Variants in CSMD1 observed in about 807,000 individuals in gnomAD.
The protein encoded by CSMD1 is CUB and sushi domain-containing protein 1.
In CSMD1, 213 loss-of-function variants were observed where a neutral mutation model predicts 417.5. That is an observed-to-expected ratio of 0.51 (90% CI 0.46 to 0.57). CSMD1 has a LOEUF of 0.57. Ranked by LOEUF, CSMD1 falls within the 20% of genes least tolerant of loss-of-function variation. The probability of loss-of-function intolerance (pLI) is 0.00; values close to 1 mark genes in which losing one functional copy is unlikely to be tolerated. For missense variants in CSMD1, 6,923 were observed against 4,529.7 expected (o/e 1.53, Z -15.17); for synonymous variants, 2,862 against 1,736.8 (o/e 1.65, Z -16.11).
intron 25 of CSMD1, among the ~76,000 whole-genome samples, chr8:3,294,522 C>G (rs137962113): frequency 2.0e-5 from 3 of 151,922 alleles, no homozygotes; most frequent in Admixed American, 6.6e-5. Flanking sequence ...TTGGCAATGG[C>G]GGGCGCCCCT....
intron 11 of CSMD1, among the ~76,000 whole-genome samples, chr8:3,482,609 T>C (rs902555777): frequency 6.6e-6 from 1 of 152,064 alleles, no homozygotes; most frequent in African/African-American, 2.4e-5. Context: ...GCAGAAAATA[T>C]CACAAAGGAT....
intron 1 of CSMD1, among the ~76,000 whole-genome samples, chr8:4,981,253 G>A (rs1031954534): frequency 2.6e-5 from 4 of 152,230 alleles, no homozygotes; most frequent in African/African-American, 4.8e-5. Context: ...ATTTTAGGAT[G>A]GTAAACATTT....
intron 5 of CSMD1, among the ~76,000 whole-genome samples, chr8:3,943,091 C>A (rs1475859706): frequency 6.6e-6 from 1 of 151,888 alleles, no homozygotes; most frequent in Non-Finnish European, 1.5e-5. Context: ...CCCACATTAC[C>A]TGGGATTCAA....
intron 7 of CSMD1, among the ~76,000 whole-genome samples, chr8:3,658,477 T>C (rs965115428): frequency 6.9e-6 from 1 of 145,156 alleles, no homozygotes; most frequent in African/African-American, 2.6e-5. Context: ...TATATATATA[T>C]ATATTTAATT....
At chr8:3,314,367 AT>A (rs564249063) in intron 23 of CSMD1, among the ~76,000 whole-genome samples, 7 of 152,216 alleles carry the variant, frequency 4.6e-5, no homozygotes, top group African/African-American at 1.7e-4. Context: ...TGACTGATCA[AT>A]TTTAAGCCTG....
chr8:4,406,963 C>G (rs989587682), intron 3 of CSMD1, among the ~76,000 whole-genome samples: 1 of 152,260 alleles, frequency 6.6e-6, no homozygotes, highest in African/African-American at 2.4e-5. Flanking sequence ...TATCTTGTTT[C>G]CTAAACGAGG....
intron 1 of CSMD1, among the ~76,000 whole-genome samples, chr8:4,745,598 G>C (rs544729011): frequency 6.6e-6 from 1 of 151,976 alleles, no homozygotes; most frequent in Non-Finnish European, 1.5e-5. Flanking sequence ...TAGAAATAAA[G>C]AGAGAGAGAG....
intron 7 of CSMD1, among the ~76,000 whole-genome samples, chr8:3,673,395 TG>T (rs547636016): frequency 9.2e-5 from 14 of 152,236 alleles, no homozygotes; most frequent in Non-Finnish European, 1.9e-4. Flanking sequence ...AATATGGAGA[TG>T]AAAGTATTTG....
chr8:4,186,942 G>C (rs967728096), intron 3 of CSMD1, among the ~76,000 whole-genome samples: 1 of 152,046 alleles, frequency 6.6e-6, no homozygotes, highest in African/African-American at 2.4e-5. Context: ...ATTGCAGTGA[G>C]CTGCACTCTA....
chr8:3,863,581 T>C lies in CSMD1; in HGVS notation c.819-109539A>G, dbSNP rs1804877747. On this transcript the variant is annotated intron_variant, in intron 5 of 69. Coordinates refer to ENST00000635120, the MANE Select transcript of CSMD1 (RefSeq NM_033225.6). ...CAGCGCACTGTTTACAAAAATATAA[T>C]CTAAGCCTGACATCAAACCTTGCAG... 2.0e-5 allele frequency among the ~76,000 whole-genome samples: 3 copies of C among 152,064 alleles called. No homozygotes were observed. The South Asian group carries it at 6.2e-4, about 31-fold the overall frequency.
intron 1 of CSMD1, among the ~76,000 whole-genome samples, chr8:4,646,178 C>G (rs1803504661): frequency 6.6e-6 from 1 of 152,084 alleles, no homozygotes; most frequent in African/African-American, 2.4e-5. Flanking sequence ...GCACCCATTG[C>G]CAGTGGAGAG....
chr8:3,842,612 G>A (rs78187392), intron 5 of CSMD1, among the ~76,000 whole-genome samples: 1 of 152,092 alleles, frequency 6.6e-6, no homozygotes, highest in Non-Finnish European at 1.5e-5. Context: ...GTTACATCAA[G>A]AAGATGTTGA....
At chr8:3,125,306 G>A (rs1033098369) in intron 41 of CSMD1, among the ~76,000 whole-genome samples, 1 of 152,204 alleles carries the variant, frequency 6.6e-6, no homozygotes, top group South Asian at 2.1e-4. Flanking sequence ...ATGCATCACA[G>A]TGCCAGGCCA....
intron 1 of CSMD1, among the ~76,000 whole-genome samples, chr8:4,670,878 G>A (rs1436111438): frequency 1.3e-5 from 2 of 152,154 alleles, no homozygotes; most frequent in Admixed American, 1.3e-4. Context: ...ATGTTTTGAT[G>A]GGGGTACTTT....
rs574610421 is a variant in CSMD1, at chr8:4,290,035, G to C, written c.415+129918C>G. On this transcript the variant is annotated intron_variant, in intron 3 of 69. Transcript: ENST00000635120. ...GCACTCTGTGCACTGCAACTGTTAAGGTTTAACCAGAACCAACAACTGCAA... is the reference window on the plus strand; with the variant it reads ...GCACTCTGTGCACTGCAACTGTTAACGTTTAACCAGAACCAACAACTGCAA... Among the ~76,000 whole-genome samples, 72 of 152,262 alleles carry C rather than the reference G, an allele frequency of 4.7e-4. 2 individuals carry two copies. Among genetic ancestry groups the C allele is most frequent in the Admixed American group, 4.7e-3 (72 of 15,286 alleles).
At chr8:3,968,684 T>C (rs564734497) in intron 5 of CSMD1, among the ~76,000 whole-genome samples, 4 of 152,246 alleles carry the variant, frequency 2.6e-5, no homozygotes, top group African/African-American at 7.2e-5. Flanking sequence ...TGTTAGTCAT[T>C]AAGCTTGCTC....
At chr8:3,351,699 T>C (rs1160658733) in intron 21 of CSMD1, among the ~76,000 whole-genome samples, 2 of 148,566 alleles carry the variant, frequency 1.3e-5, no homozygotes, top group Non-Finnish European at 3.0e-5. Context: ...GATATACGAA[T>C]AATTGTATAT....
At chr8:4,419,932 A>G (rs1471133664) in intron 3 of CSMD1, 21 bp downstream of exon 3, 2 of 1,490,272 alleles carry the variant, frequency 1.3e-6, no homozygotes, top group Non-Finnish European at 1.8e-6. Context: ...ATGCATGTGC[A>G]AAACACAACC....
intron 23 of CSMD1, among the ~76,000 whole-genome samples, chr8:3,321,361 C>G (rs1367193574): frequency 6.6e-6 from 1 of 152,150 alleles, no homozygotes; most frequent in Non-Finnish European, 1.5e-5. Context: ...TCCAGATCCT[C>G]CCTGCCCTTT....
Sources: allele counts gnomAD v4.1 joint callset (sites outside exome capture counted in the v4.1 genomes callset), GRCh38; gene constraint gnomAD v4.1.1; transcripts MANE v1.5; gene names NCBI Gene and HGNC (gene_info 2026-07-23, HGNC 2026-07-21).